COL4A1: variants seen among roughly 807,000 people sequenced by gnomAD.
The protein encoded by COL4A1 is collagen type IV alpha 1 chain.
COL4A1 carries 40 observed loss-of-function variants against 216.6 expected under a neutral mutation model. The ratio of observed to expected loss-of-function variants is 0.18; its 90% confidence interval spans 0.14 to 0.24. The LOEUF is 0.24. Ranked by LOEUF, COL4A1 falls within the 10% of genes least tolerant of loss-of-function variation. COL4A1 has a pLI of 1.00. For synonymous variants in COL4A1, 839 were observed against 810.7 expected (o/e 1.03, Z -0.59); for missense variants, 1,628 against 2,196.8 (o/e 0.74, Z 5.18).
intron 18 of COL4A1, among the ~76,000 whole-genome samples, chr13:110,202,981 G>C (rs1879316349): frequency 6.6e-6 from 1 of 152,220 alleles, no homozygotes; most frequent in African/African-American, 2.4e-5. Context: ...GGGAGGCCAA[G>C]GTGGGTGGGT....
intron 1 of COL4A1, among the ~76,000 whole-genome samples, chr13:110,295,708 G>C (rs1318049590): frequency 6.6e-6 from 1 of 152,190 alleles, no homozygotes; most frequent in Non-Finnish European, 1.5e-5. Context: ...TTACAGGCAT[G>C]AGCCACCGCA....
intron 1 of COL4A1, among the ~76,000 whole-genome samples, chr13:110,253,822 T>A (rs1882386800): frequency 6.9e-6 from 1 of 144,860 alleles, no homozygotes; most frequent in Middle Eastern, 3.7e-3. Flanking sequence ...TATACGTATG[T>A]ATGTATTATA....
intron 1 of COL4A1, among the ~76,000 whole-genome samples, chr13:110,290,288 C>G (rs999168305): frequency 2.0e-5 from 3 of 152,196 alleles, no homozygotes; most frequent in African/African-American, 7.2e-5. Flanking sequence ...CGGCAGGCGG[C>G]TTCTGGGATT....
In COL4A1 at chr13:110,165,570, C is replaced by CCCTTCCACACACCCTCCCTCA. The variant is rs1287604602; in HGVS notation, c.4022-601_4022-581dup. Among the ~76,000 whole-genome samples the CCCTTCCACACACCCTCCCTCA allele has an allele frequency of 2.5e-3, 373 of 151,692 alleles. 7 individuals are homozygous for CCCTTCCACACACCCTCCCTCA. In the East Asian group the frequency reaches 0.06, roughly 25 times the overall value. On this transcript the variant is annotated intron_variant, in intron 45 of 51. Coordinates refer to ENST00000375820, the MANE Select transcript of COL4A1 (RefSeq NM_001845.6). ...CCTCCCCTTCCACATACCCTCCCTCCCCTTCCACACACCCTCCCTCACCTT... is the reference window on the plus strand; with the variant it reads ...CCTCCCCTTCCACATACCCTCCCTCCCCTTCCACACACCCTCCCTCACCTTCCACACACCCTCCCTCACCTT...
At position 110,211,499 on chromosome 13, in the gene COL4A1, C is replaced by T; in HGVS notation, c.468+148G>A. 1.5e-6 allele frequency: 1 copy of T among 654,926 alleles called. No individual in the cohort carries two copies. Among genetic ancestry groups the T allele is most frequent in the Non-Finnish European group, 2.5e-6 (1 of 402,700 alleles). 40.6% of individuals were successfully genotyped at this position (654,926 alleles called of 1,614,324 possible). On this transcript the variant is annotated intron_variant, in intron 8 of 51. Coordinates refer to ENST00000375820, the MANE Select transcript of COL4A1 (RefSeq NM_001845.6). The surrounding 1 kb of genome is among the most constrained non-coding windows in gnomAD (Gnocchi z 4.3). ...GATCTGAGTTTGTGGGTTACTTGTA[C>T]AGTCTTTTCATGTAACAGAGTTTAG... is the stretch of plus-strand genomic sequence containing the variant.
intron 49 of COL4A1, among the ~76,000 whole-genome samples, chr13:110,158,236 CA>C (rs938396616): frequency 1.3e-4 from 19 of 151,918 alleles, no homozygotes; most frequent in African/African-American, 4.1e-4. Context: ...TCTTATAGCT[CA>C]AAAAAAATCA....
chr13:110,225,320 A>G (rs1020598319), intron 2 of COL4A1, among the ~76,000 whole-genome samples: 2 of 152,260 alleles, frequency 1.3e-5, no homozygotes, highest in African/African-American at 2.4e-5. Context: ...GCAGTGGCTC[A>G]CGCCTATAAT....
In COL4A1 at chr13:110,170,021, TGGGAAGGAAGGAA is replaced by T. The variant is rs1319805447; in HGVS notation, c.3743-272_3743-260del. On this transcript the variant is annotated intron_variant, in intron 42 of 51. Coordinates refer to ENST00000375820, the MANE Select transcript of COL4A1 (RefSeq NM_001845.6). ...CTTGAGACAGAAATTGAGGAAGGTC[TGGGAAGGAAGGAA>T]GGGAGGGAAGGAGGGAGGAAGGAGG... Among the ~76,000 whole-genome samples, 3 of 119,422 alleles carry T rather than the reference TGGGAAGGAAGGAA, an allele frequency of 2.5e-5. No individual in the cohort carries two copies. The East Asian group carries it at 8.0e-4, about 32-fold the overall frequency. The allele number at this position is 119,422 out of a possible 152,430, so 78.3% of individuals were successfully genotyped here.
intron 1 of COL4A1, among the ~76,000 whole-genome samples, chr13:110,251,672 G>T (rs1042179618): frequency 6.6e-6 from 1 of 152,238 alleles, no homozygotes. Flanking sequence ...AAAAGTCAGG[G>T]CTGTTCACCT....
intron 1 of COL4A1, among the ~76,000 whole-genome samples, chr13:110,246,007 T>C (rs1473456768): frequency 1.3e-5 from 2 of 152,152 alleles, no homozygotes; most frequent in Non-Finnish European, 2.9e-5. Context: ...TGTAGGGAAT[T>C]TGATTATCAA....
chr13:110,270,025 C>G (rs190288789), intron 1 of COL4A1, among the ~76,000 whole-genome samples: 1 of 152,078 alleles, frequency 6.6e-6, no homozygotes, highest in Admixed American at 6.5e-5. Context: ...TTCTTCTCCA[C>G]GCACCCCCAG....
chr13:110,162,180 CA>C (rs1566340274), intron 48 of COL4A1, 49 bp downstream of exon 48: 1 of 1,524,748 alleles, frequency 6.6e-7, no homozygotes. Flanking sequence ...ACACCGAAGG[CA>C]CTCAACACAC....
rs567415191 is a variant in COL4A1 at position 110,190,455 on chromosome 13, C to G, written c.1536+1759G>C. On this transcript the variant is annotated intron_variant, in intron 24 of 51. Transcript: ENST00000375820. The stretch of plus-strand genomic sequence containing the variant: ...GAACCATGAAACCTGCTCAGACCAA[C>G]CTGGGCATCATCAATCCGCTCGGGG... 5.6e-4 allele frequency among the ~76,000 whole-genome samples: 85 copies of G among 152,300 alleles called. 3 individuals carry two copies. The South Asian group carries it at 0.016, about 29-fold the overall frequency.
intron 2 of COL4A1, among the ~76,000 whole-genome samples, chr13:110,223,568 T>A (rs1322076991): frequency 3.3e-5 from 5 of 152,168 alleles, no homozygotes; most frequent in Non-Finnish European, 5.9e-5. Context: ...AGAAAAACAG[T>A]ACAGAAAACA....
At chr13:110,278,538 T>C in intron 1 of COL4A1, among the ~76,000 whole-genome samples, 1 of 152,290 alleles carries the variant, frequency 6.6e-6, no homozygotes, top group Middle Eastern at 3.4e-3. Flanking sequence ...ATTCTTCTAA[T>C]CATTATATAT....
At chr13:110,225,195 G>A (rs990911746) in intron 2 of COL4A1, among the ~76,000 whole-genome samples, 1 of 152,226 alleles carries the variant, frequency 6.6e-6, no homozygotes, top group Non-Finnish European at 1.5e-5. Context: ...ACCTCCAGGA[G>A]ATGCTGGAAC....
chr13:110,192,827 T>C lies in COL4A1; in HGVS notation c.1465+3A>G. 6.2e-7 allele frequency: 1 copy of C among 1,613,546 alleles called. No individual in the cohort carries two copies. Among genetic ancestry groups the C allele is most frequent in the Non-Finnish European group, 8.5e-7 (1 of 1,179,510 alleles). On this transcript the variant is annotated splice_donor_region_variant and intron_variant, in intron 23 of 51. Transcript: ENST00000375820. ...CCTGGTCCTTTTCACATGTGGGTCT[T>C]ACCTATTTCTCCCGGGGGTCCCTGT...
chr13:110,209,283 A>T (rs941612351), intron 11 of COL4A1, 109 bp downstream of exon 11: 42 of 991,066 alleles, frequency 4.2e-5, no homozygotes, highest in Non-Finnish European at 6.2e-5. Context: ...TATAGTGTTA[A>T]TTTTCCAACT....
At chr13:110,254,115 G>C (rs1269311496) in intron 1 of COL4A1, among the ~76,000 whole-genome samples, 1 of 152,032 alleles carries the variant, frequency 6.6e-6, no homozygotes, top group African/African-American at 2.4e-5. Context: ...CTCCCAACTG[G>C]GTCTAGGTTT....
Sources: allele counts gnomAD v4.1 joint callset (sites outside exome capture counted in the v4.1 genomes callset), GRCh38; gene constraint gnomAD v4.1.1; non-coding constraint Gnocchi (gnomAD v3.1); transcripts MANE v1.5; gene names NCBI Gene and HGNC (gene_info 2026-07-23, HGNC 2026-07-21).